The following LIN9 variants were observed in gnomAD, a reference collection of about 807,000 sequenced individuals.
The protein encoded by LIN9 is lin-9 DREAM MuvB core complex component.
LIN9 carries 18 observed loss-of-function variants against 78.0 expected under a neutral mutation model. The observed-to-expected ratio is 0.23, with a 90% CI of 0.16 to 0.34. The LOEUF is 0.34. Among genes scored for constraint, LIN9 ranks in the 10% least tolerant of loss-of-function variants. The pLI, the probability that LIN9 is intolerant of heterozygous loss-of-function variation, is 1.00. For missense variants in LIN9, 451 were observed against 644.1 expected (o/e 0.70, Z 3.25); for synonymous variants, 192 against 215.2 (o/e 0.89, Z 0.94).
chr1:226,298,323 C>T (rs575193759), intron 2 of LIN9, among the ~76,000 whole-genome samples: 1 of 152,314 alleles, frequency 6.6e-6, no homozygotes, highest in East Asian at 1.9e-4. Context: ...GTTCTCCTGC[C>T]TCAGCCTCCC....
chr1:226,242,276 C>T (rs1658164052), intron 11 of LIN9, among the ~76,000 whole-genome samples: 1 of 152,078 alleles, frequency 6.6e-6, no homozygotes, highest in African/African-American at 2.4e-5. Flanking sequence ...ATGCCTGGCA[C>T]ATATGTTTGT....
intron 10 of LIN9, among the ~76,000 whole-genome samples, chr1:226,253,932 A>G (rs1659019299): frequency 6.6e-6 from 1 of 152,024 alleles, no homozygotes. Context: ...AAAAAAAAGA[A>G]AGAAAGAAAT....
chr1:226,291,706 C>T (rs1431034912), intron 4 of LIN9, among the ~76,000 whole-genome samples: 1 of 152,066 alleles, frequency 6.6e-6, no homozygotes, highest in Non-Finnish European at 1.5e-5. Context: ...CTTCACCTGG[C>T]TTTCCCTAAC....
At chr1:226,288,305 T>G (rs772680694) in intron 4 of LIN9, among the ~76,000 whole-genome samples, 1 of 152,018 alleles carries the variant, frequency 6.6e-6, no homozygotes, top group Non-Finnish European at 1.5e-5. Flanking sequence ...ATAAAACATT[T>G]CTCCCCACTC....
In LIN9 at chr1:226,267,972, A is replaced by G. The variant is rs534098731; in HGVS notation, c.801T>C (p.Pro267=). 6.2e-7 allele frequency: 1 copy of G among 1,613,354 alleles called. No individual in the cohort carries two copies. Among genetic ancestry groups the G allele is most frequent in the African/African-American group, 1.3e-5 (1 of 75,040 alleles). Residue 267 remains proline (P), a synonymous_variant, in exon 8 of 15, where the codon CCT becomes CCC. Transcript: ENST00000681046. ...DRTGLGTHTI[P]DYEVLSNEPH... is the part of the protein sequence containing the mutation. ...TACTACTTACGAGAACTTCATAGTC[A>G]GGGATGGTATGGGTTCCAAGCCCTG... is the stretch of plus-strand genomic sequence containing the variant.
intron 7 of LIN9, among the ~76,000 whole-genome samples, chr1:226,272,361 T>C (rs1660337162): frequency 6.6e-6 from 1 of 151,466 alleles, no homozygotes; most frequent in African/African-American, 2.4e-5. Context: ...CAGCCAATCA[T>C]TACTTTTTAA....
Position 226,233,098 on chromosome 1 carries a change from G to C in LIN9, c.1521C>G (p.Ile507Met), listed in dbSNP as rs762320353. The change falls in exon 14 of 15, where the codon ATC (isoleucine) becomes ATG (methionine). Residue 507 changes from isoleucine (I) to methionine (M), a missense_variant and splice_region_variant. Transcript: ENST00000681046. ...TTAGAGTATACCTAACGAATTACCT[G>C]ATATTAGAAGCGTCTATTGTACTCT... ...DIKSTIDASN[I>M]SCFQNNVEIH... is the part of the protein sequence containing the mutation. 6.4e-7 allele frequency: 1 copy of C among 1,553,666 alleles called. No homozygotes were observed. Among genetic ancestry groups the C allele is most frequent in the Non-Finnish European group, 8.8e-7 (1 of 1,142,714 alleles).
upstream of LIN9, chr1:226,309,391 G>A (rs1160186810): frequency 6.1e-6 from 6 of 991,224 alleles, no homozygotes; most frequent in Non-Finnish European, 7.2e-6. Flanking sequence ...AGGAAGGGAG[G>A]AAGGAGGCCG....
In LIN9 at chr1:226,231,908, A is replaced by G; in HGVS notation, c.*593T>C. ...AAATTAAAATATTTATTATTATAAAATGATCTACAGAACCATGTCACATTG... is the reference window on the plus strand; with the variant it reads ...AAATTAAAATATTTATTATTATAAAGTGATCTACAGAACCATGTCACATTG... On this transcript the variant is annotated 3_prime_UTR_variant, in exon 15 of 15. Transcript: ENST00000681046. The G allele has an allele frequency of 2.7e-6, 1 of 364,378 alleles. No homozygotes were observed. The highest frequency in any genetic ancestry group is 4.8e-6 in the Non-Finnish European group (1 of 206,306). 22.6% of individuals were successfully genotyped at this position (364,378 alleles called of 1,614,324 possible).
intron 11 of LIN9, among the ~76,000 whole-genome samples, chr1:226,245,124 A>G (rs892842116): frequency 6.6e-6 from 1 of 152,214 alleles, no homozygotes; most frequent in African/African-American, 2.4e-5. Flanking sequence ...AAAATCACTG[A>G]CAAAAGAGAG....
intron 4 of LIN9, among the ~76,000 whole-genome samples, chr1:226,289,837 G>C (rs865884265): frequency 2.5e-5 from 1 of 40,276 alleles, no homozygotes; most frequent in Non-Finnish European, 6.8e-5. Context: ...AGTCCTCCGG[G>C]GGGGGGGGTG....
chr1:226,233,034 C>T, intron 14 of LIN9, 62 bp downstream of exon 14: 1 of 983,726 alleles, frequency 1.0e-6, no homozygotes, highest in South Asian at 1.6e-5. Flanking sequence ...ATTCTTAAAA[C>T]CTGGACTGAA....
At position 226,277,874 on chromosome 1, in the gene LIN9, T is replaced by C. The variant is rs773837143; in HGVS notation, c.583A>G (p.Ile195Val). ...ACTTTCCTTTGTTGTAAGAGCCTTA[T>C]TTTCTGCCGTTTCTGTTTTAATGCT... is the stretch of plus-strand genomic sequence containing the variant. ...RSALKQKRQK[I>V]RLLQQRKVAD... The change falls in exon 7 of 15, where the codon ATA becomes GTA. Residue 195 changes from isoleucine to valine, a missense_variant. Ile to Val is a conservative substitution (Grantham distance 29). Coordinates refer to ENST00000681046, the MANE Select transcript of LIN9 (RefSeq NM_001366245.2). The C allele has an allele frequency of 6.2e-7, 1 of 1,613,752 alleles. No homozygotes were observed. The highest frequency in any genetic ancestry group is 8.5e-7 in the Non-Finnish European group (1 of 1,179,780).
chr1:226,260,389 T>C (rs1380337197), intron 10 of LIN9, among the ~76,000 whole-genome samples: 7 of 152,050 alleles, frequency 4.6e-5, no homozygotes, highest in Non-Finnish European at 1.0e-4. Flanking sequence ...AAGAAAACTA[T>C]AAGCCAGGCA....
At chr1:226,245,421 TC>T (rs1156944480) in intron 11 of LIN9, among the ~76,000 whole-genome samples, 57 of 72,996 alleles carry the variant, frequency 7.8e-4, no homozygotes, top group African/African-American at 3.1e-3. Flanking sequence ...CACATACTTG[TC>T]TTTTTTCCCC....
intron 3 of LIN9, 140 bp from the exon 4 acceptor site, chr1:226,296,086 AC>A (rs1172072313): frequency 2.1e-5 from 12 of 572,768 alleles, no homozygotes; most frequent in Non-Finnish European, 3.1e-5. Flanking sequence ...AACACAAAGC[AC>A]ACAAAGCCAA....
chr1:226,268,106 A>C lies in LIN9; in HGVS notation c.683-16T>G. The C allele has an allele frequency of 6.2e-7, 1 of 1,610,948 alleles. No homozygotes were observed. The highest frequency in any genetic ancestry group is 8.5e-7 in the Non-Finnish European group (1 of 1,178,572). On this transcript the variant is annotated splice_polypyrimidine_tract_variant and intron_variant, in intron 7 of 14. Transcript: ENST00000681046. ...CGTAATCGTGCTGAGAAAAGAACAA[A>C]GGCATTATGATGTGTGGGAGATACA...
At chr1:226,261,385 T>A (rs1659581707) in intron 10 of LIN9, among the ~76,000 whole-genome samples, 1 of 150,968 alleles carries the variant, frequency 6.6e-6, no homozygotes, top group African/African-American at 2.4e-5. Flanking sequence ...GTAGACAATC[T>A]GAAAGAAATG....
chr1:226,301,319 G>C (rs1451449781), intron 1 of LIN9, 114 bp from the exon 2 acceptor site: 1 of 695,774 alleles, frequency 1.4e-6, no homozygotes, highest in Non-Finnish European at 2.5e-6. Context: ...TGAGTTTGAA[G>C]AGATGGTGGA....
Sources: gnomAD v4.1 joint callset for allele counts (sites outside exome capture counted in the v4.1 genomes callset) on GRCh38, gnomAD v4.1.1 for gene constraint, MANE v1.5 for transcripts, NCBI Gene and HGNC (gene_info 2026-07-23, HGNC 2026-07-21) for gene names.